EXOC4: variants seen among roughly 807,000 people sequenced by gnomAD.
EXOC4 encodes exocyst complex component 4.
Under a neutral mutation model 107.2 loss-of-function variants are expected in EXOC4, and 71 were observed. The ratio of observed to expected loss-of-function variants is 0.66; its 90% CI spans 0.55 to 0.81. The LOEUF (loss-of-function observed/expected upper bound fraction) is 0.81, where lower values mean the gene tolerates loss of function less well. Among genes scored for constraint, EXOC4 ranks in the 30% least tolerant of loss-of-function variants. The probability of loss-of-function intolerance (pLI) is 0.00; values close to 1 mark genes in which losing one functional copy is unlikely to be tolerated. For missense variants in EXOC4, 1,108 were observed against 1,189.6 expected (o/e 0.93, Z 1.01); for synonymous variants, 456 against 441.2 (o/e 1.03, Z -0.42).
At chr7:133,318,416 CT>C (rs1287922551) in intron 5 of EXOC4, among the ~76,000 whole-genome samples, 1 of 152,124 alleles carries the variant, frequency 6.6e-6, no homozygotes, top group East Asian at 1.9e-4. Context: ...AGTTTCTCTG[CT>C]TTTGTAACTG....
At chr7:134,014,846 C>T (rs1214039459) in intron 17 of EXOC4, among the ~76,000 whole-genome samples, 1 of 151,938 alleles carries the variant, frequency 6.6e-6, no homozygotes, top group African/African-American at 2.4e-5. Flanking sequence ...AATCATTCAT[C>T]ATAGGAAATG....
At chr7:133,531,854 T>C (rs1800187300) in intron 9 of EXOC4, among the ~76,000 whole-genome samples, 1 of 152,106 alleles carries the variant, frequency 6.6e-6, no homozygotes, top group Non-Finnish European at 1.5e-5. Flanking sequence ...CAAGCACAGA[T>C]TGAATATCCC....
chr7:133,809,754 G>A lies in EXOC4; in HGVS notation c.1515-7571G>A, dbSNP rs114631986. ...TACAGCAAAGTCAGGAGATAGCAAAGTGAAAAGTTTATGTTGTATGATACA... is the reference window on the plus strand; with the variant it reads ...TACAGCAAAGTCAGGAGATAGCAAAATGAAAAGTTTATGTTGTATGATACA... On this transcript the variant is annotated intron_variant, in intron 10 of 17. Transcript: ENST00000253861. Among the ~76,000 whole-genome samples, 361 of 152,234 alleles carry A rather than the reference G, an allele frequency of 2.4e-3. 5 individuals carry two copies. Among genetic ancestry groups the A allele is most frequent in the African/African-American group, 8.1e-3 (337 of 41,536 alleles).
chr7:133,599,282 A>G (rs1291864341), intron 9 of EXOC4, among the ~76,000 whole-genome samples: 1 of 152,228 alleles, frequency 6.6e-6, no homozygotes, highest in African/African-American at 2.4e-5. Context: ...TCTGTGTACA[A>G]ATGAAAAGGC....
At chr7:134,073,741 AGTCATTGTGATTTACTCACAGGCAGGG>A in the EXOC4 span, among the ~76,000 whole-genome samples, 1 of 151,994 alleles carries the variant, frequency 6.6e-6, no homozygotes, top group Non-Finnish European at 1.5e-5. Context: ...GTCCGACTCC[AGTCATTGTGATTTACTCACAGGCAGGG>A]GATGGGGGTT....
intron 7 of EXOC4, among the ~76,000 whole-genome samples, chr7:133,375,438 A>C (rs935169379): frequency 2.6e-5 from 4 of 151,958 alleles, no homozygotes; most frequent in Admixed American, 1.3e-4. Flanking sequence ...GTACCACTGC[A>C]CTCCAGCCTG....
At chr7:133,377,433 G>A (rs1796514040) in intron 7 of EXOC4, among the ~76,000 whole-genome samples, 1 of 152,058 alleles carries the variant, frequency 6.6e-6, no homozygotes, top group African/African-American at 2.4e-5. Context: ...GTGGAAGAAA[G>A]GATCAGTGAA....
chr7:133,753,305 C>A (rs997640593), intron 10 of EXOC4, among the ~76,000 whole-genome samples: 3 of 152,288 alleles, frequency 2.0e-5, no homozygotes, highest in East Asian at 1.9e-4. Flanking sequence ...GAATCTGCTA[C>A]CTTACTGTGG....
At chr7:133,718,935 C>A (rs553208974) in intron 10 of EXOC4, among the ~76,000 whole-genome samples, 7 of 152,152 alleles carry the variant, frequency 4.6e-5, no homozygotes, top group Admixed American at 1.3e-4. Flanking sequence ...AATGTAAGAC[C>A]AAAGAGTCCT....
At chr7:133,682,706 T>G (rs1368621834) in intron 10 of EXOC4, among the ~76,000 whole-genome samples, 1 of 152,186 alleles carries the variant, frequency 6.6e-6, no homozygotes, top group Non-Finnish European at 1.5e-5. Context: ...ACCTTTCTCA[T>G]GCACACATTA....
chr7:133,292,505 T>A (rs1224706791), intron 3 of EXOC4, among the ~76,000 whole-genome samples: 1 of 152,204 alleles, frequency 6.6e-6, no homozygotes, highest in Non-Finnish European at 1.5e-5. Flanking sequence ...GGTTTCTAGT[T>A]ACTGGTTGCT....
intron 1 of EXOC4, among the ~76,000 whole-genome samples, chr7:133,260,134 C>T (rs901124488): frequency 6.6e-6 from 1 of 152,152 alleles, no homozygotes; most frequent in South Asian, 2.1e-4. Flanking sequence ...TTGTCAAAAA[C>T]CAATTTACTT....
At chr7:134,099,155 G>A in the EXOC4 span, among the ~76,000 whole-genome samples, 2 of 151,794 alleles carry the variant, frequency 1.3e-5, no homozygotes, top group East Asian at 3.9e-4. Flanking sequence ...TTAAGATGAG[G>A]TCATACTGGA....
chr7:133,296,414 T>A (rs1411688233), intron 3 of EXOC4, among the ~76,000 whole-genome samples: 1 of 152,156 alleles, frequency 6.6e-6, no homozygotes, highest in East Asian at 1.9e-4. Context: ...CTGTAGCTGC[T>A]TTTAGCCGCA....
At chr7:134,013,962 T>C (rs902207384) in intron 17 of EXOC4, among the ~76,000 whole-genome samples, 1 of 152,182 alleles carries the variant, frequency 6.6e-6, no homozygotes, top group Non-Finnish European at 1.5e-5. Context: ...ATGGTGCAGC[T>C]GCATCATTTC....
chr7:133,294,327 GC>G (rs1403013592), intron 3 of EXOC4, among the ~76,000 whole-genome samples: 1 of 152,146 alleles, frequency 6.6e-6, no homozygotes, highest in Non-Finnish European at 1.5e-5. Flanking sequence ...GCACAGATGA[GC>G]TTTGAAAACC....
At chr7:133,790,572 T>C (rs1038503799) in intron 10 of EXOC4, among the ~76,000 whole-genome samples, 7 of 152,286 alleles carry the variant, frequency 4.6e-5, no homozygotes, top group African/African-American at 1.7e-4. Context: ...AATTTGTATT[T>C]TGTGGGTGAC....
intron 17 of EXOC4, among the ~76,000 whole-genome samples, chr7:134,050,830 T>TA (rs1554440397): frequency 6.6e-6 from 1 of 152,126 alleles, no homozygotes; most frequent in African/African-American, 2.4e-5. Context: ...AGGTTTTTTT[T>TA]TTATTATTAT....
chr7:133,824,795 G>A (rs6970060), intron 11 of EXOC4, among the ~76,000 whole-genome samples: 3 of 151,964 alleles, frequency 2.0e-5, no homozygotes, highest in Non-Finnish European at 4.4e-5. Flanking sequence ...GCGTTCTCCC[G>A]TGTGTCTCCT....
Sources: allele counts gnomAD v4.1 joint callset (sites outside exome capture counted in the v4.1 genomes callset), GRCh38; gene constraint gnomAD v4.1.1; transcripts MANE v1.5; gene names NCBI Gene and HGNC (gene_info 2026-07-23, HGNC 2026-07-21).